The following NUP88 variants were observed in gnomAD, a reference collection of about 807,000 sequenced individuals.
NUP88 encodes nuclear pore complex protein Nup88.
In NUP88, 57 loss-of-function variants were observed where a neutral mutation model predicts 93.9. The observed-to-expected ratio is 0.61, with a 90% CI of 0.49 to 0.76. The LOEUF (loss-of-function observed/expected upper bound fraction) is 0.76, where lower values mean the gene tolerates loss of function less well. NUP88 is among the 30% of genes least tolerant of loss of function. The pLI is 0.00. For synonymous variants in NUP88, 346 were observed against 336.8 expected (o/e 1.03, Z -0.30); for missense variants, 911 against 901.0 (o/e 1.01, Z -0.14).
chr17:5,412,656 A>C (rs1007894867), intron 3 of NUP88, among the ~76,000 whole-genome samples: 26 of 150,196 alleles, frequency 1.7e-4, no homozygotes, highest in African/African-American at 6.1e-4. Context: ...ACACCACCCC[A>C]CCCCCCCACA....
intron 7 of NUP88, 31 bp downstream of exon 7, chr17:5,404,067 GA>G: frequency 6.2e-7 from 1 of 1,605,056 alleles, no homozygotes; most frequent in Non-Finnish European, 8.5e-7. Flanking sequence ...AAAATCATGG[GA>G]AAAAAGCACT....
At chr17:5,388,123 C>T (rs1912162602) in intron 11 of NUP88, 1 of 349,188 alleles carries the variant, frequency 2.9e-6, no homozygotes, top group South Asian at 4.3e-5. Context: ...GCCTCAGCCT[C>T]TCGAGTAGCT....
Position 5,404,102 on chromosome 17 carries a change from T to C in NUP88, c.1189A>G (p.Arg397Gly). 6.2e-7 allele frequency: 1 copy of C among 1,613,996 alleles called. No homozygotes were observed. Among genetic ancestry groups the C allele is most frequent in the Non-Finnish European group, 8.5e-7 (1 of 1,179,920 alleles). ...CTACATTTATTGAAGAGCTTACCTC[T>C]ATGAAGTTTGACTGGACAAGAAAAG... ...SDFSCPVKLH[R>G]DPKCPSRYHC... is the part of the protein sequence containing the mutation. Residue 397 changes from arginine (R) to glycine (G), a missense_variant, in exon 7 of 17, where the codon AGA becomes GGA. Transcript: ENST00000573584.
intron 3 of NUP88, among the ~76,000 whole-genome samples, chr17:5,413,658 A>G (rs897765775): frequency 6.6e-6 from 1 of 152,230 alleles, no homozygotes; most frequent in African/African-American, 2.4e-5. Context: ...AGATAACAGA[A>G]AAGGAGGTGG....
In NUP88 at chr17:5,419,340, C is replaced by T; in HGVS notation, c.297+14G>A. The T allele has an allele frequency of 1.3e-6, 2 of 1,541,074 alleles. No individual in the cohort carries two copies. Among genetic ancestry groups the T allele is most frequent in the Non-Finnish European group, 1.7e-6 (2 of 1,144,358 alleles). On this transcript the variant is annotated intron_variant, in intron 1 of 16. Transcript: ENST00000573584. ...TCCCGGTGAGGGTCACTTCCAAGAT[C>T]GGCCTGGCATTACCTGGTACTGGGA... is the stretch of plus-strand genomic sequence containing the variant.
Position 5,419,378 on chromosome 17 carries a change from T to C in NUP88, c.273A>G (p.Glu91=). The change falls in exon 1 of 17, where the codon GAA becomes GAG. Residue 91 remains glutamate (E), a synonymous_variant. Transcript: ENST00000573584. ...CCTGGTACTGGGACAGGGCGGGCTCTTCGCCGCCGCCGCTGGGGCCCCGAA... is the reference window on the plus strand; with the variant it reads ...CCTGGTACTGGGACAGGGCGGGCTCCTCGCCGCCGCCGCTGGGGCCCCGAA... ...VRLRGPSGGG[E]EPALSQYQRL... is the part of the protein sequence containing the mutation. 1.2e-6 allele frequency: 2 copies of C among 1,602,258 alleles called. No individual in the cohort carries two copies. Among genetic ancestry groups the C allele is most frequent in the Non-Finnish European group, 8.5e-7 (1 of 1,175,060 alleles).
chr17:5,391,739 C>T (rs531983053), intron 9 of NUP88, 77 bp from the exon 10 acceptor site: 35 of 1,231,022 alleles, frequency 2.8e-5, no homozygotes, highest in Middle Eastern at 2.2e-4. Flanking sequence ...GACAGGTCCG[C>T]GGCCTTCTCA....
At chr17:5,405,486 G>A (rs1453709908) in intron 5 of NUP88, among the ~76,000 whole-genome samples, 7 of 152,188 alleles carry the variant, frequency 4.6e-5, no homozygotes, top group Admixed American at 4.6e-4. Flanking sequence ...TGTCACAACT[G>A]GTTGTCACAA....
intron 2 of NUP88, among the ~76,000 whole-genome samples, chr17:5,415,099 A>C (rs1914062787): frequency 6.6e-6 from 1 of 151,838 alleles, no homozygotes; most frequent in South Asian, 2.1e-4. Context: ...TGCTCACTGC[A>C]ACCTCCGCCT....
At chr17:5,394,431 A>T (rs1207796310) in intron 9 of NUP88, among the ~76,000 whole-genome samples, 1 of 152,202 alleles carries the variant, frequency 6.6e-6, no homozygotes, top group Non-Finnish European at 1.5e-5. Context: ...ACAGCAATGC[A>T]GTGAAGGGCA....
intron 7 of NUP88, among the ~76,000 whole-genome samples, chr17:5,401,940 TTATAA>T (rs573025710): frequency 8.2e-4 from 125 of 152,322 alleles, no homozygotes; most frequent in African/African-American, 2.8e-3. Context: ...GCCTCAGTGA[TTATAA>T]TATGCCTTGT....
Position 5,418,665 on chromosome 17 carries a change from G to A in NUP88, c.297+689C>T, listed in dbSNP as rs182912216. On this transcript the variant is annotated intron_variant, in intron 1 of 16. Coordinates refer to ENST00000573584, the MANE Select transcript of NUP88 (RefSeq NM_002532.6). The stretch of plus-strand genomic sequence containing the variant: ...CTTATTAAAATTAAATCACTTCTCG[G>A]TAACAAGAATTGGACCGGGCACACA... 3.3e-5 allele frequency among the ~76,000 whole-genome samples: 5 copies of A among 152,260 alleles called. No individual in the cohort carries two copies. The East Asian group carries it at 9.6e-4, about 29-fold the overall frequency.
intron 16 of NUP88, 126 bp downstream of exon 16, chr17:5,386,582 C>G (rs1911997383): frequency 2.7e-6 from 2 of 746,354 alleles, no homozygotes; most frequent in South Asian, 3.2e-5. Flanking sequence ...TCATGTGGCT[C>G]TCATCCCAGT....
At chr17:5,414,249 G>C in intron 2 of NUP88, 115 bp from the exon 3 acceptor site, 1 of 851,142 alleles carries the variant, frequency 1.2e-6, no homozygotes, top group Non-Finnish European at 1.8e-6. Flanking sequence ...AGGCTGGAGT[G>C]TAACGGCACA....
Position 5,388,684 on chromosome 17 carries a change from C to T in NUP88, c.1643+118G>A. On this transcript the variant is annotated intron_variant, in intron 11 of 16. Transcript: ENST00000573584. ...CTAGCTGATCAAATATATCCAGTTTCTTCCAAATTTATCACAGTAAAAAGT... is the reference window on the plus strand; with the variant it reads ...CTAGCTGATCAAATATATCCAGTTTTTTCCAAATTTATCACAGTAAAAAGT... 5 of 933,224 alleles carry T rather than the reference C, an allele frequency of 5.4e-6. No individual in the cohort carries two copies. The South Asian group carries it at 8.1e-5, about 15-fold the overall frequency. The allele number at this position is 933,224 out of a possible 1,614,324, so 57.8% of individuals were successfully genotyped here.
At chr17:5,394,510 T>C (rs1290215279) in intron 9 of NUP88, among the ~76,000 whole-genome samples, 1 of 151,980 alleles carries the variant, frequency 6.6e-6, no homozygotes, top group African/African-American at 2.4e-5. Context: ...AAAATGCAAA[T>C]ATAAATAGTG....
At chr17:5,387,996 T>C in intron 11 of NUP88, 92 bp from the exon 12 acceptor site, 1 of 1,287,946 alleles carries the variant, frequency 7.8e-7, no homozygotes, top group Non-Finnish European at 1.0e-6. Flanking sequence ...TTTAAACTTT[T>C]TATATTTTTA....
intron 2 of NUP88, among the ~76,000 whole-genome samples, chr17:5,415,278 C>G (rs1914071710): frequency 6.6e-6 from 1 of 152,100 alleles, no homozygotes; most frequent in Non-Finnish European, 1.5e-5. Flanking sequence ...CCTCGGCCTC[C>G]CAAAGTGCTG....
At chr17:5,393,928 A>G (rs1449019609) in intron 9 of NUP88, among the ~76,000 whole-genome samples, 1 of 152,216 alleles carries the variant, frequency 6.6e-6, no homozygotes, top group Non-Finnish European at 1.5e-5. Flanking sequence ...TGAACAGAAT[A>G]AAGGGAGGTA....
Sources: gnomAD v4.1 joint callset for allele counts (sites outside exome capture counted in the v4.1 genomes callset) on GRCh38, gnomAD v4.1.1 for gene constraint, MANE v1.5 for transcripts, NCBI Gene and HGNC (gene_info 2026-07-23, HGNC 2026-07-21) for gene names.